The following HIBCH variants were observed in gnomAD, a reference collection of about 807,000 sequenced individuals.
HIBCH encodes 3-hydroxyisobutyryl-CoA hydrolase, mitochondrial.
A neutral mutation model predicts 58.2 loss-of-function variants in HIBCH; 50 were observed. The observed-to-expected ratio is 0.86, with a 90% CI of 0.68 to 1.09. The LOEUF (loss-of-function observed/expected upper bound fraction) is 1.09, where lower values mean the gene tolerates loss of function less well. Among genes scored for constraint, HIBCH ranks in the 50% least tolerant of loss-of-function variants. HIBCH has a pLI of 0.00. For synonymous variants in HIBCH, 151 were observed against 146.9 expected, an observed-to-expected ratio of 1.03 and a Z score of -0.20; for missense variants, 450 against 449.7, an observed-to-expected ratio of 1.00 and a Z score of -0.01.
At chr2:190,314,373 AT>A (rs1688656136) in intron 1 of HIBCH, among the ~76,000 whole-genome samples, 1 of 86,774 alleles carries the variant, frequency 1.2e-5, no homozygotes, top group Non-Finnish European at 2.5e-5. Context: ...ATATATACGT[AT>A]ATATGTGTAT....
chr2:190,296,831 C>T lies in HIBCH; in HGVS notation c.201G>A (p.Gln67=). The change falls in exon 3 of 14, where the codon CAG becomes CAA. Residue 67 remains glutamine, a synonymous_variant. Coordinates refer to ENST00000359678, the MANE Select transcript of HIBCH (RefSeq NM_014362.4). ...LNALTLNMIR[Q]IYPQLKKWEQ... ...TACAAACCTTTAGCTGTGGATAAAT[C>T]TGCCGAATCATATTAAGAGTCAGTG... 1 of 1,613,940 alleles carries T rather than the reference C, an allele frequency of 6.2e-7. No homozygotes were observed. Among genetic ancestry groups the T allele is most frequent in the Non-Finnish European group, 8.5e-7 (1 of 1,179,852 alleles).
chr2:190,278,351 C>T (rs572298947), intron 6 of HIBCH, among the ~76,000 whole-genome samples: 1 of 152,056 alleles, frequency 6.6e-6, no homozygotes, highest in East Asian at 1.9e-4. Context: ...ATTACAGGCC[C>T]CCGCCACCAC....
At position 190,239,040 on chromosome 2, in the gene HIBCH, C is replaced by G. The variant is rs1256807124; in HGVS notation, c.891+5847G>C. Among the ~76,000 whole-genome samples, 5 of 152,140 alleles carry G rather than the reference C, an allele frequency of 3.3e-5. No homozygotes were observed. In the South Asian group the frequency reaches 1.0e-3, roughly 32 times the overall value. On this transcript the variant is annotated intron_variant, in intron 11 of 13. Coordinates refer to ENST00000359678, the MANE Select transcript of HIBCH (RefSeq NM_014362.4). ...GTGGTTTAGTCATGAAGTCTTTGCC[C>G]ATGACTATGTCCTGAGTGGTATTGC... is the stretch of plus-strand genomic sequence containing the variant.
intron 1 of HIBCH, among the ~76,000 whole-genome samples, chr2:190,316,141 T>C (rs1320279363): frequency 6.6e-6 from 1 of 151,970 alleles, no homozygotes; most frequent in Non-Finnish European, 1.5e-5. Flanking sequence ...ATTTTTGTAT[T>C]CTATTTATTT....
intron 11 of HIBCH, chr2:190,213,522 G>T: frequency 5.7e-6 from 1 of 174,120 alleles, no homozygotes; most frequent in East Asian, 1.7e-4. Context: ...TGCTTCAATA[G>T]CCAATGCCTG....
downstream of HIBCH, chr2:190,200,274 C>T (rs1690189229): frequency 4.0e-6 from 3 of 750,828 alleles, no homozygotes; most frequent in East Asian, 7.7e-5. Flanking sequence ...GATAATGTCA[C>T]TATTATAAGA....
chr2:190,249,671 A>G lies in HIBCH; in HGVS notation c.719T>C (p.Ile240Thr), dbSNP rs1268777141. The G allele has an allele frequency of 1.2e-6, 2 of 1,606,528 alleles. No individual in the cohort carries two copies. Among genetic ancestry groups the G allele is most frequent in the Non-Finnish European group, 1.7e-6 (2 of 1,173,434 alleles). Residue 240 changes from isoleucine (I) to threonine (T), a missense_variant, in exon 9 of 14, where the codon ATT (isoleucine) becomes ACT (threonine). By Grantham distance (89) the Ile-to-Thr change is moderately conservative. Coordinates refer to ENST00000359678, the MANE Select transcript of HIBCH (RefSeq NM_014362.4). ...LALKSPSKEN[I>T]ASVLENYHTE... is the part of the protein sequence containing the mutation. ...ATGGTAATTTTCTAAGACAGATGCA[A>G]TATTTTCTTTTGAAGGAGATTTCAA... is the stretch of plus-strand genomic sequence containing the variant.
intron 2 of HIBCH, among the ~76,000 whole-genome samples, chr2:190,308,214 A>G (rs1221240458): frequency 6.6e-6 from 1 of 152,156 alleles, no homozygotes; most frequent in African/African-American, 2.4e-5. Flanking sequence ...TATGATCTGG[A>G]TTCTGTCATG....
In HIBCH at chr2:190,235,973, C is replaced by A. The variant is rs189532145; in HGVS notation, c.891+8914G>T. Among the ~76,000 whole-genome samples the A allele has an allele frequency of 3.8e-3, 585 of 152,300 alleles. 1 individual carries two copies. The highest frequency in any genetic ancestry group is 0.013 in the African/African-American group (549 of 41,552). The stretch of plus-strand genomic sequence containing the variant: ...TGGCACCATTCATTCATTCATCATA[C>A]CTATCATATGAAATACTTTGTCATA... On this transcript the variant is annotated intron_variant, in intron 11 of 13. Transcript: ENST00000359678.
chr2:190,228,715 C>T (rs138568673), intron 11 of HIBCH, among the ~76,000 whole-genome samples: 1 of 152,214 alleles, frequency 6.6e-6, no homozygotes, highest in East Asian at 1.9e-4. Flanking sequence ...GTGGCTCAAC[C>T]CATTTATCTG....
downstream of HIBCH, chr2:190,200,225 A>G (rs138209976): frequency 1.3e-3 from 1,496 of 1,180,904 alleles, 20 homozygotes; most frequent in African/African-American, 0.021. Flanking sequence ...CTGGTGTGAA[A>G]AAGTACAAAT....
chr2:190,252,793 C>T (rs1270148389), intron 7 of HIBCH, among the ~76,000 whole-genome samples: 1 of 152,194 alleles, frequency 6.6e-6, no homozygotes, highest in African/African-American at 2.4e-5. Flanking sequence ...GCAATAATCA[C>T]AAGTCCTACT....
At chr2:190,292,244 C>T (rs1229340695) in intron 4 of HIBCH, among the ~76,000 whole-genome samples, 3 of 152,092 alleles carry the variant, frequency 2.0e-5, no homozygotes, top group Non-Finnish European at 4.4e-5. Flanking sequence ...GGCCTCCTAA[C>T]TCTAGAATTC....
At chr2:190,310,726 T>A (rs752722531) in intron 2 of HIBCH, 28 bp downstream of exon 2, 1 of 1,568,426 alleles carries the variant, frequency 6.4e-7, no homozygotes, top group Non-Finnish European at 8.8e-7. Flanking sequence ...ATACAAATAA[T>A]GCCAGCAAAA....
chr2:190,305,041 A>G (rs1424989555), intron 2 of HIBCH, among the ~76,000 whole-genome samples: 2 of 152,188 alleles, frequency 1.3e-5, no homozygotes, highest in African/African-American at 4.8e-5. Flanking sequence ...AAACTTTTTC[A>G]ATGTAATTTT....
intron 2 of HIBCH, among the ~76,000 whole-genome samples, chr2:190,308,899 C>G (rs1688482787): frequency 6.6e-6 from 1 of 152,136 alleles, no homozygotes; most frequent in African/African-American, 2.4e-5. Context: ...TCTATGAAAA[C>G]AGATAGCCAG....
intron 9 of HIBCH, among the ~76,000 whole-genome samples, chr2:190,248,128 CCTT>C (rs1195076380): frequency 2.0e-5 from 3 of 152,110 alleles, no homozygotes; most frequent in African/African-American, 7.2e-5. Flanking sequence ...GTCTAAGTTT[CCTT>C]CTTCTTGCAT....
chr2:190,230,522 C>T (rs953571437), intron 11 of HIBCH, among the ~76,000 whole-genome samples: 1 of 152,152 alleles, frequency 6.6e-6, no homozygotes. Flanking sequence ...AGGTGAAACC[C>T]CGTCTCTACT....
chr2:190,308,942 G>A (rs2124856634), intron 2 of HIBCH, among the ~76,000 whole-genome samples: 1 of 152,246 alleles, frequency 6.6e-6, no homozygotes, highest in South Asian at 2.1e-4. Flanking sequence ...TACTAGCTGT[G>A]TGACATTTGG....
Sources: allele counts gnomAD v4.1 joint callset (sites outside exome capture counted in the v4.1 genomes callset), GRCh38; gene constraint gnomAD v4.1.1; transcripts MANE v1.5; gene names NCBI Gene and HGNC (gene_info 2026-07-23, HGNC 2026-07-21).